NFRKB: variants seen among roughly 807,000 people sequenced by gnomAD.
The protein encoded by NFRKB is nuclear factor related to kappaB binding protein.
NFRKB carries 62 observed loss-of-function variants against 135.7 expected under a neutral mutation model. The ratio of observed to expected loss-of-function variants is 0.46; its 90% confidence interval spans 0.37 to 0.56. NFRKB has a LOEUF of 0.56. Ranked by LOEUF, NFRKB falls within the 20% of genes least tolerant of loss-of-function variation. The pLI, the probability that NFRKB is intolerant of heterozygous loss-of-function variation, is 0.00. For missense variants in NFRKB, 1,545 were observed against 1,662.0 expected (o/e 0.93, Z 1.22); for synonymous variants, 678 against 635.6 (o/e 1.07, Z -1.00).
At chr11:129,873,665 C>A in intron 22 of NFRKB, 80 bp downstream of exon 22, 1 of 1,554,160 alleles carries the variant, frequency 6.4e-7, no homozygotes, top group South Asian at 1.2e-5. Flanking sequence ...AGTCCTTACC[C>A]AGACACTGCC....
At position 129,881,439 on chromosome 11, in the gene NFRKB, T is replaced by C; in HGVS notation, c.1384+4A>G. The stretch of plus-strand genomic sequence containing the variant: ...TGTTGGGGTAGGTAATACGGATCAC[T>C]TACCAAGCAACTTCCACTGCTGGGT... On this transcript the variant is annotated splice_donor_region_variant and intron_variant, in intron 13 of 26. Transcript: ENST00000682444. The C allele has an allele frequency of 1.2e-6, 2 of 1,613,924 alleles. No homozygotes were observed. The highest frequency in any genetic ancestry group is 1.7e-6 in the Non-Finnish European group (2 of 1,179,814).
intron 3 of NFRKB, 125 bp from the exon 4 acceptor site, chr11:129,888,920 T>C: frequency 1.5e-6 from 1 of 668,738 alleles, no homozygotes; most frequent in Non-Finnish European, 2.5e-6. Flanking sequence ...AAGTGTAGAC[T>C]TCAGTGGCCT....
In NFRKB at chr11:129,881,651, A is replaced by G. The variant is rs2135662485; in HGVS notation, c.1318+76T>C. 5 of 1,590,150 alleles carry G rather than the reference A, an allele frequency of 3.1e-6. No homozygotes were observed. In the South Asian group the frequency reaches 5.6e-5, roughly 18 times the overall value. ...CAAAGGCATGATGGATTACACGAGC[A>G]AAGCTGCAGTTTATTCTAATAATTA... On this transcript the variant is annotated intron_variant, in intron 12 of 26. Coordinates refer to ENST00000682444, the MANE Select transcript of NFRKB (RefSeq NM_001143835.2).
At position 129,892,838 on chromosome 11, in the gene NFRKB, T is replaced by A. The variant is rs1014038682; in HGVS notation, c.12A>T (p.Leu4Phe). ...CCAGAGGATCTGTCAGCATATGGTC[T>A]AAGGAATCCATTGTTTCTTCTCCAC... Reference protein sequence around the residue: MDSLDHMLTDPLEL... With the variant: MDSFDHMLTDPLEL... The change falls in exon 3 of 27, where the codon TTA becomes TTT. Residue 4 changes from leucine to phenylalanine, a missense_variant. By Grantham distance (22) the Leu-to-Phe change is conservative (BLOSUM62 0). Around this residue, in one of 3 missense-constraint regions of NFRKB, gnomAD observed 678 missense variants for 646.7 expected, o/e 1.05. Transcript: ENST00000682444. 6 of 1,614,202 alleles carry A rather than the reference T, an allele frequency of 3.7e-6. No homozygotes were observed. Among genetic ancestry groups the A allele is most frequent in the Non-Finnish European group, 2.5e-6 (3 of 1,180,044 alleles).
intron 4 of NFRKB, among the ~76,000 whole-genome samples, chr11:129,886,856 G>A (rs911254050): frequency 3.3e-5 from 5 of 152,194 alleles, no homozygotes; most frequent in Non-Finnish European, 7.4e-5. Context: ...AAAGCCAAGT[G>A]GGTCCCCAAC....
rs914367231 is a variant in NFRKB at position 129,863,658 on chromosome 11, T to G, written c.*1067A>C. ...ACAAACAAACAAAAAACGCTTTTAC[T>G]TAAAAGGCCATATAGGAAATACTTT... On this transcript the variant is annotated 3_prime_UTR_variant, in exon 27 of 27. Transcript: ENST00000682444. The G allele has an allele frequency of 1.9e-5, 3 of 157,594 alleles. No homozygotes were observed. Among genetic ancestry groups the G allele is most frequent in the Non-Finnish European group, 4.2e-5 (3 of 72,050 alleles). The allele number at this position is 157,594 out of a possible 1,614,324, so 9.8% of individuals were successfully genotyped here.
At position 129,892,697 on chromosome 11, in the gene NFRKB, A is replaced by G; in HGVS notation, c.135+18T>C. The G allele has an allele frequency of 1.9e-6, 3 of 1,612,486 alleles. No individual in the cohort carries two copies. The highest frequency in any genetic ancestry group is 2.5e-6 in the Non-Finnish European group (3 of 1,179,620). On this transcript the variant is annotated intron_variant, in intron 3 of 26. Coordinates refer to ENST00000682444, the MANE Select transcript of NFRKB (RefSeq NM_001143835.2). ...AAGCTGACAGAGAGGAAAAGGTCACAACCGTGTTACTACTCACATCCTCCA... is the reference window on the plus strand; with the variant it reads ...AAGCTGACAGAGAGGAAAAGGTCACGACCGTGTTACTACTCACATCCTCCA...
In NFRKB at chr11:129,888,734, T is replaced by C. The variant is rs994461655; in HGVS notation, c.197A>G (p.Gln66Arg). The C allele has an allele frequency of 1.2e-6, 2 of 1,614,014 alleles. No individual in the cohort carries two copies. The highest frequency in any genetic ancestry group is 1.7e-6 in the Non-Finnish European group (2 of 1,180,008). ...STWQEVLSDS[Q>R]REHLQQFLPQ... Reference sequence around the variant, plus strand: ...CAGAAACTGCTGGAGGTGTTCACGTTGAGAATCACTTAACACTTCCTGCCA... The same window carrying C: ...CAGAAACTGCTGGAGGTGTTCACGTCGAGAATCACTTAACACTTCCTGCCA... The change falls in exon 4 of 27, where the codon CAA becomes CGA. Residue 66 changes from glutamine to arginine, a missense_variant. Transcript: ENST00000682444.
intron 3 of NFRKB, among the ~76,000 whole-genome samples, chr11:129,891,269 C>T (rs1361562495): frequency 1.3e-5 from 2 of 152,216 alleles, no homozygotes; most frequent in African/African-American, 2.4e-5. Flanking sequence ...AACGACACTA[C>T]CTCTCCCATG....
intron 17 of NFRKB, 60 bp downstream of exon 17, chr11:129,876,661 G>A (rs369861330): frequency 1.5e-6 from 2 of 1,343,022 alleles, no homozygotes; most frequent in Non-Finnish European, 2.0e-6. Flanking sequence ...TTCAGAGTTG[G>A]TAAGAGAAAA....
Position 129,884,805 on chromosome 11 carries a change from TAGG to T in NFRKB, c.679_681del (p.Pro227del). ...ACCACCCGCAGGGGCACCGCAGGAC[TAGG>T]AGAACGTGCTGGAGAGCTCGGAAGC... On this transcript the variant is annotated inframe_deletion, in exon 7 of 27. Transcript: ENST00000682444. The T allele has an allele frequency of 6.2e-7, 1 of 1,614,202 alleles. No homozygotes were observed. Among genetic ancestry groups the T allele is most frequent in the Non-Finnish European group, 8.5e-7 (1 of 1,180,038 alleles).
At chr11:129,867,553 G>A (rs1231836754) in intron 24 of NFRKB, among the ~76,000 whole-genome samples, 1 of 152,056 alleles carries the variant, frequency 6.6e-6, no homozygotes, top group Admixed American at 6.6e-5. Context: ...CTGACCTCAG[G>A]TGATCTGCCC....
At chr11:129,865,548 G>A (rs1243132591) in intron 25 of NFRKB, among the ~76,000 whole-genome samples, 1 of 152,164 alleles carries the variant, frequency 6.6e-6, no homozygotes, top group African/African-American at 2.4e-5. Flanking sequence ...TCAAAGGGAG[G>A]CTTCCCTCAC....
intron 22 of NFRKB, 68 bp downstream of exon 22, chr11:129,873,677 A>G: frequency 6.4e-7 from 1 of 1,574,118 alleles, no homozygotes; most frequent in Non-Finnish European, 8.7e-7. Context: ...GACACTGCCC[A>G]TCTGACTCAT....
chr11:129,884,399 C>G (rs1201608803), intron 7 of NFRKB, among the ~76,000 whole-genome samples: 1 of 152,194 alleles, frequency 6.6e-6, no homozygotes, highest in Admixed American at 6.5e-5. Context: ...AACAAAAACT[C>G]TTCTCCAAAC....
chr11:129,874,679 C>T lies in NFRKB; in HGVS notation c.1979-99G>A. 1 of 1,602,348 alleles carries T rather than the reference C, an allele frequency of 6.2e-7. No homozygotes were observed. Among genetic ancestry groups the T allele is most frequent in the Non-Finnish European group, 8.5e-7 (1 of 1,171,768 alleles). Reference sequence around the variant, plus strand: ...CAACACCTTGCCAGTGGACTGAATCCTGCCTCTACCATCTTGTCCTACCTA... The same window carrying T: ...CAACACCTTGCCAGTGGACTGAATCTTGCCTCTACCATCTTGTCCTACCTA... On this transcript the variant is annotated intron_variant, in intron 19 of 26. Transcript: ENST00000682444. This position sits in a 1 kb window ranked among gnomAD's most constrained non-coding sequence, Gnocchi z 4.5.
At position 129,864,155 on chromosome 11, in the gene NFRKB, C is replaced by A. The variant is rs968841477; in HGVS notation, c.*570G>T. On this transcript the variant is annotated 3_prime_UTR_variant, in exon 27 of 27. Transcript: ENST00000682444. Reference sequence around the variant, plus strand: ...TACTATGCAGTTACCAAGCTGGCTACCACCTTACTAAGATTCTTGCCATTT... The same window carrying A: ...TACTATGCAGTTACCAAGCTGGCTAACACCTTACTAAGATTCTTGCCATTT... The A allele has an allele frequency of 6.6e-6, 1 of 152,620 alleles. No homozygotes were observed. The highest frequency in any genetic ancestry group is 2.4e-5 in the African/African-American group (1 of 41,468). The allele number at this position is 152,620 out of a possible 1,614,324, so 9.5% of individuals were successfully genotyped here.
At position 129,874,391 on chromosome 11, in the gene NFRKB, G is replaced by T; in HGVS notation, c.2059-58C>A. 6.6e-7 allele frequency: 1 copy of T among 1,524,366 alleles called. No individual in the cohort carries two copies. The highest frequency in any genetic ancestry group is 8.8e-7 in the Non-Finnish European group (1 of 1,138,568). 94.4% of individuals were successfully genotyped at this position (1,524,366 alleles called of 1,614,324 possible). ...GTCGTGAAGATCCCCCTAAAGGAAG[G>T]GACACCCCTACAGCTCCTGATGCCC... On this transcript the variant is annotated intron_variant, in intron 20 of 26. Transcript: ENST00000682444. The surrounding 1 kb of genome is among the most constrained non-coding windows in gnomAD (Gnocchi z 4.5).
Position 129,874,410 on chromosome 11 carries a change from G to C in NFRKB, c.2059-77C>G. 6.5e-7 allele frequency: 1 copy of C among 1,539,352 alleles called. No individual in the cohort carries two copies. The highest frequency in any genetic ancestry group is 8.7e-7 in the Non-Finnish European group (1 of 1,144,830). On this transcript the variant is annotated intron_variant, in intron 20 of 26. Coordinates refer to ENST00000682444, the MANE Select transcript of NFRKB (RefSeq NM_001143835.2). This position sits in a 1 kb window ranked among gnomAD's most constrained non-coding sequence, Gnocchi z 4.5. ...AGGAAGGGACACCCCTACAGCTCCT[G>C]ATGCCCCACACCAAGTGAAAGCCGA... is the stretch of plus-strand genomic sequence containing the variant.
Sources: gnomAD v4.1 joint callset for allele counts (sites outside exome capture counted in the v4.1 genomes callset) on GRCh38, gnomAD v4.1.1 for gene constraint, gnomAD v4.1.1 regional missense constraint, Gnocchi (gnomAD v3.1) non-coding constraint, MANE v1.5 for transcripts, NCBI Gene and HGNC (gene_info 2026-07-23, HGNC 2026-07-21) for gene names.